Variants in ASB3 observed in about 807,000 individuals in gnomAD.
The protein encoded by ASB3 is ankyrin repeat and SOCS box protein 3.
ASB3 carries 41 observed loss-of-function variants against 54.5 expected under a neutral mutation model. That is an observed-to-expected ratio of 0.75 (90% CI 0.59 to 0.98). ASB3 has a LOEUF of 0.98. ASB3 is among the 50% of genes least tolerant of loss of function. ASB3 has a pLI of 0.00. For missense variants in ASB3, 733 were observed against 620.0 expected, an observed-to-expected ratio of 1.18 and a Z score of -1.94; for synonymous variants, 266 against 221.2, an observed-to-expected ratio of 1.20 and a Z score of -1.80.
intron 1 of ASB3, chr2:53,767,860 C>G (rs749938453): frequency 6.3e-7 from 1 of 1,589,482 alleles, no homozygotes; most frequent in African/African-American, 1.3e-5. Context: ...GGGTTCACGG[C>G]CACTGGGGCA....
Position 53,714,368 on chromosome 2 carries a change from T to A in ASB3, c.980+16A>T. On this transcript the variant is annotated intron_variant, in intron 7 of 9. Coordinates refer to ENST00000263634, the MANE Select transcript of ASB3 (RefSeq NM_016115.5). Reference sequence around the variant, plus strand: ...CAAAAAAGAATAAAAAATAAAAACATAGCAAATATACATACTCCTTTTGGA... The same window carrying A: ...CAAAAAAGAATAAAAAATAAAAACAAAGCAAATATACATACTCCTTTTGGA... The A allele has an allele frequency of 6.2e-7, 1 of 1,608,812 alleles. No individual in the cohort carries two copies. The highest frequency in any genetic ancestry group is 8.5e-7 in the Non-Finnish European group (1 of 1,178,636).
chr2:53,705,496 G>A (rs1347327408), intron 7 of ASB3, among the ~76,000 whole-genome samples: 1 of 152,118 alleles, frequency 6.6e-6, no homozygotes, highest in East Asian at 1.9e-4. Context: ...TTGATCCGGG[G>A]AGAGACTAGG....
intron 9 of ASB3, among the ~76,000 whole-genome samples, chr2:53,685,676 G>T (rs990256297): frequency 6.6e-6 from 1 of 152,144 alleles, no homozygotes; most frequent in African/African-American, 2.4e-5. Context: ...ACTCTTTCTC[G>T]ATCTGCATCT....
At chr2:53,710,087 T>G (rs1670006177) in intron 7 of ASB3, among the ~76,000 whole-genome samples, 1 of 152,174 alleles carries the variant, frequency 6.6e-6, no homozygotes, top group East Asian at 1.9e-4. Flanking sequence ...ATCTGATATT[T>G]AATGCAACTA....
chr2:53,775,433 A>C (rs1029964737), intron 1 of ASB3, among the ~76,000 whole-genome samples: 2 of 151,998 alleles, frequency 1.3e-5, no homozygotes, highest in African/African-American at 4.8e-5. Flanking sequence ...TGGAAAGTGT[A>C]ACCTCTGGCA....
At chr2:53,708,143 G>GA (rs1384949532) in intron 7 of ASB3, among the ~76,000 whole-genome samples, 1 of 152,108 alleles carries the variant, frequency 6.6e-6, no homozygotes, top group South Asian at 2.1e-4. Flanking sequence ...GGATCATGGG[G>GA]ATGGGTTTCT....
chr2:53,728,428 CT>C (rs1373149700), intron 5 of ASB3, among the ~76,000 whole-genome samples: 1 of 152,144 alleles, frequency 6.6e-6, no homozygotes, highest in Non-Finnish European at 1.5e-5. Context: ...GCTCAAGTCC[CT>C]ACAGGAAAGG....
At position 53,716,713 on chromosome 2, in the gene ASB3, T is replaced by G; in HGVS notation, c.635A>C (p.Lys212Thr). 1 of 1,614,006 alleles carries G rather than the reference T, an allele frequency of 6.2e-7. No homozygotes were observed. The highest frequency in any genetic ancestry group is 1.1e-5 in the South Asian group (1 of 91,062). ...AGCAGCAATGAACAAGGGTGTAGCT[T>G]TGTCCAAGGCTTGACAATTGACATT... ...GANVNCQALD[K>T]ATPLFIAAQE... Residue 212 changes from lysine (K) to threonine (T), a missense_variant, in exon 6 of 10, where the codon AAA becomes ACA. Physicochemically the swap from Lys to Thr is moderately conservative, Grantham distance 78. Transcript: ENST00000263634.
chr2:53,724,369 C>T (rs1215964259), intron 5 of ASB3, among the ~76,000 whole-genome samples: 5 of 152,064 alleles, frequency 3.3e-5, no homozygotes, highest in Admixed American at 6.6e-5. Flanking sequence ...GAGGCCAAGG[C>T]GGGTGGATCA....
intron 8 of ASB3, among the ~76,000 whole-genome samples, chr2:53,697,003 C>G (rs1370028750): frequency 6.6e-6 from 1 of 152,140 alleles, no homozygotes. Flanking sequence ...TTCTTAGTCA[C>G]AGGATGAGAC....
chr2:53,708,770 T>G (rs570594351), intron 7 of ASB3, among the ~76,000 whole-genome samples: 1 of 152,234 alleles, frequency 6.6e-6, no homozygotes, highest in African/African-American at 2.4e-5. Context: ...ACTGTGCCCC[T>G]GCTCTGGGGA....
chr2:53,702,763 T>C (rs995746081), intron 7 of ASB3, among the ~76,000 whole-genome samples: 1 of 152,124 alleles, frequency 6.6e-6, no homozygotes, highest in African/African-American at 2.4e-5. Context: ...TGCTCACACA[T>C]AAAAGAAGCA....
chr2:53,677,812 A>AGC (rs1393485946), intron 9 of ASB3, among the ~76,000 whole-genome samples: 1 of 151,682 alleles, frequency 6.6e-6, no homozygotes, highest in African/African-American at 2.4e-5. Context: ...TGTGTAGATT[A>AGC]GAGTGTCTTG....
chr2:53,724,752 CAGAA>C (rs546844011), intron 5 of ASB3, among the ~76,000 whole-genome samples: 11 of 152,012 alleles, frequency 7.2e-5, no homozygotes, highest in African/African-American at 9.7e-5. Flanking sequence ...TTATACCACT[CAGAA>C]AGGCTATTAC....
intron 7 of ASB3, among the ~76,000 whole-genome samples, chr2:53,703,259 A>T (rs980306338): frequency 6.6e-6 from 1 of 152,202 alleles, no homozygotes; most frequent in African/African-American, 2.4e-5. Context: ...GCTTCATATC[A>T]ATATAGCTGC....
chr2:53,733,445 CTTT>C (rs57956105), intron 3 of ASB3, among the ~76,000 whole-genome samples: 5 of 144,786 alleles, frequency 3.5e-5, no homozygotes, highest in African/African-American at 1.0e-4. Flanking sequence ...TCTCCACTTC[CTTT>C]TTTTTTTTTT....
intron 8 of ASB3, among the ~76,000 whole-genome samples, chr2:53,696,656 C>T (rs947217953): frequency 8.5e-5 from 13 of 152,104 alleles, no homozygotes; most frequent in Admixed American, 2.6e-4. Context: ...ATAGATAGCC[C>T]TCCACATCCT....
At chr2:53,774,651 C>A in intron 1 of ASB3, 1 of 667,302 alleles carries the variant, frequency 1.5e-6, no homozygotes, top group Non-Finnish European at 2.3e-6. Flanking sequence ...TGGAAATGTC[C>A]TGAAACACAT....
At chr2:53,724,068 CAA>C (rs1007140259) in intron 5 of ASB3, among the ~76,000 whole-genome samples, 3 of 151,968 alleles carry the variant, frequency 2.0e-5, no homozygotes, top group Non-Finnish European at 4.4e-5. Flanking sequence ...GCAATTGCAA[CAA>C]AAACAAAAAT....
Sources: gnomAD v4.1 joint callset for allele counts (sites outside exome capture counted in the v4.1 genomes callset) on GRCh38, gnomAD v4.1.1 for gene constraint, MANE v1.5 for transcripts, NCBI Gene and HGNC (gene_info 2026-07-23, HGNC 2026-07-21) for gene names.